The following LMO7 variants were observed in gnomAD, a reference collection of about 807,000 sequenced individuals.
LMO7 encodes LIM domain 7.
LMO7 carries 120 observed loss-of-function variants against 206.5 expected under a neutral mutation model. The ratio of observed to expected loss-of-function variants is 0.58; its 90% CI spans 0.50 to 0.68. The LOEUF (loss-of-function observed/expected upper bound fraction) is 0.68. Ranked by LOEUF, LMO7 falls within the 30% of genes least tolerant of loss-of-function variation. The pLI, the probability that LMO7 is intolerant of heterozygous loss-of-function variation, is 0.00. For missense variants in LMO7, 1,959 were observed against 1,957.9 expected (o/e 1.00, Z -0.01); for synonymous variants, 706 against 681.5 (o/e 1.04, Z -0.56).
chr13:75,798,085 G>A (rs898500144), intron 6 of LMO7, among the ~76,000 whole-genome samples: 1 of 152,028 alleles, frequency 6.6e-6, no homozygotes, highest in Non-Finnish European at 1.5e-5. Flanking sequence ...AAACCTATGT[G>A]GGGGGCTGGG....
intron 2 of LMO7, among the ~76,000 whole-genome samples, chr13:75,716,477 C>T (rs905737196): frequency 3.9e-5 from 6 of 152,040 alleles, no homozygotes; most frequent in Non-Finnish European, 8.8e-5. Flanking sequence ...TCAAGGAATA[C>T]TCCCTTGATG....
intron 1 of LMO7, chr13:75,688,695 A>AT (rs1566311821): frequency 6.6e-6 from 1 of 152,276 alleles, no homozygotes; most frequent in East Asian, 1.9e-4. Context: ...CAGCTTTGAC[A>AT]TTTTTGACAC....
At chr13:75,776,274 A>T (rs1374134599) in intron 4 of LMO7, among the ~76,000 whole-genome samples, 2 of 144,618 alleles carry the variant, frequency 1.4e-5, no homozygotes, top group African/African-American at 2.5e-5. Context: ...CATTCATAAA[A>T]TCGTGGGAAT....
At chr13:75,718,632 A>G (rs1415184128) in intron 2 of LMO7, among the ~76,000 whole-genome samples, 1 of 152,078 alleles carries the variant, frequency 6.6e-6, no homozygotes, top group Non-Finnish European at 1.5e-5. Flanking sequence ...ATGGACCTAC[A>G]TTGACACATC....
At chr13:75,665,258 A>T (rs1030332546) in intron 1 of LMO7, among the ~76,000 whole-genome samples, 1 of 152,120 alleles carries the variant, frequency 6.6e-6, no homozygotes, top group Non-Finnish European at 1.5e-5. Context: ...ATTTAGAACC[A>T]ATTAAGTTCA....
At chr13:75,702,183 A>G (rs1861886863) in intron 1 of LMO7, among the ~76,000 whole-genome samples, 2 of 152,134 alleles carry the variant, frequency 1.3e-5, no homozygotes, top group African/African-American at 4.8e-5. Context: ...GTGTTTATAA[A>G]GACAGTTAGC....
chr13:75,678,346 A>C (rs187390889), intron 1 of LMO7, among the ~76,000 whole-genome samples: 146 of 152,320 alleles, frequency 9.6e-4, no homozygotes, highest in African/African-American at 3.3e-3. Flanking sequence ...AACTGGTGTG[A>C]GACGGTATCT....
chr13:75,788,607 C>T (rs754401567), intron 4 of LMO7, among the ~76,000 whole-genome samples: 35 of 152,166 alleles, frequency 2.3e-4, no homozygotes, highest in Non-Finnish European at 1.9e-4. Context: ...ACTTTTTCTT[C>T]CTGTGACTGC....
intron 1 of LMO7, among the ~76,000 whole-genome samples, chr13:75,676,401 C>T (rs1003257725): frequency 6.6e-6 from 1 of 152,074 alleles, no homozygotes; most frequent in Admixed American, 6.6e-5. Flanking sequence ...AAGTTATATA[C>T]GAGCACTCCA....
At chr13:75,801,441 G>T (rs999387604) in intron 7 of LMO7, among the ~76,000 whole-genome samples, 3 of 152,152 alleles carry the variant, frequency 2.0e-5, no homozygotes, top group Non-Finnish European at 4.4e-5. Context: ...TAACATGCAG[G>T]TAGAAATCCT....
intron 2 of LMO7, among the ~76,000 whole-genome samples, chr13:75,628,949 C>T (rs771151956): frequency 2.6e-5 from 4 of 152,234 alleles, no homozygotes; most frequent in African/African-American, 4.8e-5. Context: ...CTAACAAAGC[C>T]AGTTTCTTTG....
At chr13:75,653,525 A>G (rs1423982435) in intron 1 of LMO7, among the ~76,000 whole-genome samples, 1 of 152,228 alleles carries the variant, frequency 6.6e-6, no homozygotes, top group Non-Finnish European at 1.5e-5. Context: ...GCCCAGTAGA[A>G]ATTTCTAAAA....
At chr13:75,850,622 G>A (rs2060418489) in intron 27 of LMO7, among the ~76,000 whole-genome samples, 1 of 152,180 alleles carries the variant, frequency 6.6e-6, no homozygotes. Flanking sequence ...AATTTAGTGA[G>A]TTAAGACAGT....
At chr13:75,760,659 G>A in intron 3 of LMO7, 5 of 1,500,540 alleles carry the variant, frequency 3.3e-6, no homozygotes, top group Non-Finnish European at 4.4e-6. Context: ...CACTTGTCCT[G>A]TAACAGGTAA....
chr13:75,798,635 G>A (rs2054331714), intron 6 of LMO7, among the ~76,000 whole-genome samples: 1 of 152,132 alleles, frequency 6.6e-6, no homozygotes, highest in South Asian at 2.1e-4. Flanking sequence ...CACATGTTTT[G>A]TATCAGTTCT....
At chr13:75,723,041 T>G (rs1417704899) in intron 2 of LMO7, among the ~76,000 whole-genome samples, 1 of 151,836 alleles carries the variant, frequency 6.6e-6, no homozygotes, top group Non-Finnish European at 1.5e-5. Flanking sequence ...TGTTGAGGGA[T>G]AAAAGACTAC....
At chr13:75,671,406 G>A (rs7338461) in intron 1 of LMO7, among the ~76,000 whole-genome samples, 62,290 of 151,822 alleles carry the variant, frequency 0.41, 13,976 homozygotes, top group Middle Eastern at 0.53. Context: ...TGATTGCTGC[G>A]ATATCACTAG....
At chr13:75,762,524 C>G (rs1263357992) in intron 4 of LMO7, among the ~76,000 whole-genome samples, 3 of 152,094 alleles carry the variant, frequency 2.0e-5, no homozygotes, top group African/African-American at 7.2e-5. Flanking sequence ...AGGCTAAAGA[C>G]TAGGTGAAAC....
intron 1 of LMO7, among the ~76,000 whole-genome samples, chr13:75,664,279 A>G (rs992444633): frequency 1.3e-5 from 2 of 152,118 alleles, no homozygotes; most frequent in Admixed American, 6.5e-5. Context: ...GAGAACATGC[A>G]GTATTTGTCT....
Sources: gnomAD v4.1 joint callset for allele counts (sites outside exome capture counted in the v4.1 genomes callset) on GRCh38, gnomAD v4.1.1 for gene constraint, MANE v1.5 for transcripts, NCBI Gene and HGNC (gene_info 2026-07-23, HGNC 2026-07-21) for gene names.